The following ADGRB3 variants were observed in gnomAD, a reference collection of about 807,000 sequenced individuals.
ADGRB3 encodes brain-specific angiogenesis inhibitor 3.
A neutral mutation model predicts 193.4 loss-of-function variants in ADGRB3; 37 were observed. That is an observed-to-expected ratio of 0.19 (90% CI 0.15 to 0.25). The LOEUF is 0.25. ADGRB3 is among the 10% of genes least tolerant of loss of function. The probability of loss-of-function intolerance (pLI) is 1.00; values close to 1 mark genes in which losing one functional copy is unlikely to be tolerated. For synonymous variants in ADGRB3, 690 were observed against 644.2 expected (o/e 1.07, Z -1.08); for missense variants, 1,637 against 1,852.9 (o/e 0.88, Z 2.14).
At chr6:69,329,105 A>T (rs1274327387) in intron 22 of ADGRB3, among the ~76,000 whole-genome samples, 1 of 151,974 alleles carries the variant, frequency 6.6e-6, no homozygotes, top group African/African-American at 2.4e-5. Flanking sequence ...CTCTATTAGT[A>T]TATCTTGAAA....
At chr6:68,905,502 G>A (rs1371562277) in intron 3 of ADGRB3, among the ~76,000 whole-genome samples, 1 of 152,086 alleles carries the variant, frequency 6.6e-6, no homozygotes, top group Non-Finnish European at 1.5e-5. Context: ...GTATTTTGTA[G>A]CAAATAGGCT....
At chr6:68,800,979 A>C (rs994433137) in intron 3 of ADGRB3, among the ~76,000 whole-genome samples, 3 of 152,158 alleles carry the variant, frequency 2.0e-5, no homozygotes, top group African/African-American at 7.2e-5. Context: ...AAACTGTTTA[A>C]TATAAAAACT....
intron 3 of ADGRB3, among the ~76,000 whole-genome samples, chr6:68,922,868 A>C (rs1021642323): frequency 6.6e-6 from 1 of 150,792 alleles, no homozygotes; most frequent in Non-Finnish European, 1.5e-5. Context: ...AGATCTCTCT[A>C]TAGAATACCA....
intron 29 of ADGRB3, among the ~76,000 whole-genome samples, chr6:69,369,218 A>G (rs756909120): frequency 6.6e-6 from 1 of 152,178 alleles, no homozygotes; most frequent in Non-Finnish European, 1.5e-5. Flanking sequence ...TTAATATTTT[A>G]GAGAGCTCAG....
intron 3 of ADGRB3, among the ~76,000 whole-genome samples, chr6:68,926,201 A>G (rs545832487): frequency 6.6e-6 from 1 of 152,270 alleles, no homozygotes; most frequent in East Asian, 1.9e-4. Flanking sequence ...TGTCCAAAGC[A>G]GGAGGTGATT....
At chr6:68,908,146 A>C (rs1210319653) in intron 3 of ADGRB3, among the ~76,000 whole-genome samples, 1 of 151,946 alleles carries the variant, frequency 6.6e-6, no homozygotes, top group Admixed American at 6.6e-5. Flanking sequence ...TAATTTCTAC[A>C]TGGATTTTTA....
chr6:69,195,600 C>T (rs1765277980), intron 17 of ADGRB3, among the ~76,000 whole-genome samples: 1 of 150,528 alleles, frequency 6.6e-6, no homozygotes, highest in African/African-American at 2.4e-5. Flanking sequence ...TGATTTTTAC[C>T]ATTATATTCT....
intron 20 of ADGRB3, among the ~76,000 whole-genome samples, chr6:69,262,408 C>T (rs79207796): frequency 0.03 from 4,578 of 151,774 alleles, 92 homozygotes; most frequent in Middle Eastern, 0.058. Context: ...ATCCTTGTTC[C>T]CTTTGCTCTT....
chr6:69,070,321 T>C (rs1055299632), intron 16 of ADGRB3, among the ~76,000 whole-genome samples: 1 of 152,200 alleles, frequency 6.6e-6, no homozygotes, highest in Non-Finnish European at 1.5e-5. Context: ...TTTCTTTTTT[T>C]AAGCAATTGT....
chr6:69,362,217 C>T (rs913430035), intron 29 of ADGRB3, among the ~76,000 whole-genome samples: 1 of 151,908 alleles, frequency 6.6e-6, no homozygotes, highest in Non-Finnish European at 1.5e-5. Flanking sequence ...AGAGTAAACT[C>T]GTCACTGCTT....
At chr6:68,928,528 C>T (rs1046277369) in intron 3 of ADGRB3, among the ~76,000 whole-genome samples, 2 of 152,080 alleles carry the variant, frequency 1.3e-5, no homozygotes, top group African/African-American at 4.8e-5. Context: ...GACCAAGACC[C>T]ACGGACATAC....
At chr6:68,961,106 T>C (rs567597766) in intron 8 of ADGRB3, among the ~76,000 whole-genome samples, 2 of 152,180 alleles carry the variant, frequency 1.3e-5, no homozygotes, top group East Asian at 1.9e-4. Context: ...ACAATTCATT[T>C]TGAATGCCTC....
chr6:69,090,547 G>A (rs1772676049), intron 17 of ADGRB3, among the ~76,000 whole-genome samples: 1 of 152,022 alleles, frequency 6.6e-6, no homozygotes, highest in South Asian at 2.1e-4. Flanking sequence ...ATTCTTTCAT[G>A]CATATATTTA....
intron 3 of ADGRB3, among the ~76,000 whole-genome samples, chr6:68,743,844 A>G (rs1766029393): frequency 6.6e-6 from 1 of 152,156 alleles, no homozygotes; most frequent in Non-Finnish European, 1.5e-5. Flanking sequence ...TAATTAAATA[A>G]CAGAAATTAA....
At chr6:68,641,181 T>C (rs1768075405) in intron 3 of ADGRB3, among the ~76,000 whole-genome samples, 1 of 152,216 alleles carries the variant, frequency 6.6e-6, no homozygotes, top group Non-Finnish European at 1.5e-5. Context: ...TCTTCAATGG[T>C]TAAATTGAGT....
At chr6:69,245,484 C>A (rs532929076) in intron 20 of ADGRB3, among the ~76,000 whole-genome samples, 50 of 152,160 alleles carry the variant, frequency 3.3e-4, no homozygotes, top group African/African-American at 1.1e-3. Context: ...CTTGTAAAAC[C>A]TGAGAAAAAG....
intron 13 of ADGRB3, 29 bp downstream of exon 13, chr6:69,018,528 T>G: frequency 6.7e-7 from 1 of 1,499,598 alleles, no homozygotes; most frequent in Non-Finnish European, 9.2e-7. Context: ...CCCCAAAATC[T>G]TTCTGAAATA....
intron 3 of ADGRB3, among the ~76,000 whole-genome samples, chr6:68,837,905 A>G (rs1051609005): frequency 1.4e-4 from 22 of 152,172 alleles, no homozygotes; most frequent in Non-Finnish European, 2.9e-4. Flanking sequence ...ACCAAACATT[A>G]TCTCAAGCTG....
intron 26 of ADGRB3, among the ~76,000 whole-genome samples, chr6:69,351,542 A>C (rs1769226445): frequency 6.6e-6 from 1 of 152,220 alleles, no homozygotes; most frequent in African/African-American, 2.4e-5. Flanking sequence ...TATGACCATT[A>C]AAATGACCTT....
Sources: gnomAD v4.1 joint callset for allele counts (sites outside exome capture counted in the v4.1 genomes callset) on GRCh38, gnomAD v4.1.1 for gene constraint, MANE v1.5 for transcripts, NCBI Gene and HGNC (gene_info 2026-07-23, HGNC 2026-07-21) for gene names.